The following ADGRL2 variants were observed in gnomAD, a reference collection of about 807,000 sequenced individuals.
The protein encoded by ADGRL2 is calcium-independent alpha-latrotoxin receptor 2.
Under a neutral mutation model 157.4 loss-of-function variants are expected in ADGRL2, and 44 were observed. That is an observed-to-expected ratio of 0.28 (90% CI 0.22 to 0.36). ADGRL2 has a LOEUF of 0.36. Among genes scored for constraint, ADGRL2 ranks in the 10% least tolerant of loss-of-function variants. The pLI, the probability that ADGRL2 is intolerant of heterozygous loss-of-function variation, is 1.00. For missense variants in ADGRL2, 1,510 were observed against 1,768.9 expected, an observed-to-expected ratio of 0.85 and a Z score of 2.63; for synonymous variants, 585 against 624.7, an observed-to-expected ratio of 0.94 and a Z score of 0.95.
At chr1:81,648,512 C>T (rs78127936) in intron 3 of ADGRL2, among the ~76,000 whole-genome samples, 2,210 of 152,310 alleles carry the variant, frequency 0.015, 19 homozygotes, top group Middle Eastern at 0.034. Flanking sequence ...ACATATCTTT[C>T]TTCTCCCAGA....
intron 2 of ADGRL2, among the ~76,000 whole-genome samples, chr1:81,783,656 G>A (rs1262447972): frequency 6.6e-6 from 1 of 152,048 alleles, no homozygotes; most frequent in Non-Finnish European, 1.5e-5. Context: ...GCATATGTAC[G>A]ATGATAGGAC....
rs1037897015 is a variant in ADGRL2, at chr1:81,823,991, T to C, written c.-100-12894T>C. Among the ~76,000 whole-genome samples the C allele has an allele frequency of 4.6e-5, 7 of 152,214 alleles. No individual in the cohort carries two copies. The South Asian group carries it at 6.2e-4, about 14-fold the overall frequency. On this transcript the variant is annotated intron_variant, in intron 1 of 23. Coordinates refer to ENST00000686636, the MANE Select transcript of ADGRL2 (RefSeq NM_001366006.2). ...AAAGTTTGTTAATATATTTGATGTG[T>C]TTTTTTAATTACCAGGATATTATAC...
intron 3 of ADGRL2, among the ~76,000 whole-genome samples, chr1:81,625,070 A>G (rs2081882460): frequency 6.6e-6 from 1 of 152,130 alleles, no homozygotes; most frequent in Non-Finnish European, 1.5e-5. Flanking sequence ...TAATCCCAAC[A>G]CCTTCACTCT....
At chr1:81,510,589 G>A (rs2079057697) in intron 2 of ADGRL2, among the ~76,000 whole-genome samples, 1 of 151,968 alleles carries the variant, frequency 6.6e-6, no homozygotes, top group East Asian at 1.9e-4. Flanking sequence ...ATATGCATTG[G>A]CGATAATATT....
At chr1:81,326,243 A>T (rs972767041) in intron 1 of ADGRL2, among the ~76,000 whole-genome samples, 13 of 152,206 alleles carry the variant, frequency 8.5e-5, no homozygotes, top group Admixed American at 7.9e-4. Flanking sequence ...TTTCTTTTCC[A>T]TAGACTTTAG....
chr1:81,968,739 A>G (rs528941192), intron 14 of ADGRL2, among the ~76,000 whole-genome samples: 6 of 152,290 alleles, frequency 3.9e-5, no homozygotes, highest in Admixed American at 2.6e-4. Flanking sequence ...GTATGTGTCA[A>G]CTCTCAATAT....
intron 3 of ADGRL2, among the ~76,000 whole-genome samples, chr1:81,583,885 G>T (rs1225673814): frequency 6.6e-6 from 1 of 152,054 alleles, no homozygotes; most frequent in African/African-American, 2.4e-5. Flanking sequence ...AACTTGACTT[G>T]CTTTTCATTT....
chr1:81,544,992 G>T (rs907480481), intron 2 of ADGRL2, among the ~76,000 whole-genome samples: 3 of 151,994 alleles, frequency 2.0e-5, no homozygotes, highest in Non-Finnish European at 2.9e-5. Flanking sequence ...AAGAGCCTGG[G>T]TATACGACAA....
chr1:81,432,591 ATTAAC>A (rs1351916592), intron 1 of ADGRL2, among the ~76,000 whole-genome samples: 1 of 152,180 alleles, frequency 6.6e-6, no homozygotes, highest in Non-Finnish European at 1.5e-5. Context: ...TCTTAACAAA[ATTAAC>A]TTGTTTTTGT....
chr1:81,486,690 T>A (rs1043036862), intron 2 of ADGRL2, among the ~76,000 whole-genome samples: 10 of 152,178 alleles, frequency 6.6e-5, no homozygotes, highest in African/African-American at 2.4e-4. Context: ...AGAAAAATCT[T>A]CCACCATGAC....
rs1412692598 is a variant in ADGRL2 at position 81,503,005 on chromosome 1, G to A, written c.-248+57916G>A. 22 of 1,612,826 alleles carry A rather than the reference G, an allele frequency of 1.4e-5. No individual in the cohort carries two copies. The East Asian group carries it at 3.1e-4, about 23-fold the overall frequency. ...TGTGCCAAATCGTCTGGCTGTGCCC[G>A]TGACCTTGGCAAGCCAGCAGGCTGG... On this transcript the variant is annotated intron_variant, in intron 2 of 24. Transcript: ENST00000370721.
intron 2 of ADGRL2, among the ~76,000 whole-genome samples, chr1:81,875,090 G>C (rs1056444744): frequency 6.6e-6 from 1 of 151,714 alleles, no homozygotes; most frequent in African/African-American, 2.4e-5. Context: ...ACTTCTATAG[G>C]CTGCACACTC....
chr1:81,806,921 A>T (rs1375544260), intron 1 of ADGRL2, among the ~76,000 whole-genome samples: 2 of 152,002 alleles, frequency 1.3e-5, no homozygotes, highest in East Asian at 3.8e-4. Flanking sequence ...TTACTGTTTC[A>T]CCATATCTGA....
chr1:81,773,219 A>G (rs2149353616), intron 2 of ADGRL2, among the ~76,000 whole-genome samples: 1 of 152,310 alleles, frequency 6.6e-6, no homozygotes, highest in Non-Finnish European at 1.5e-5. Flanking sequence ...TAAACTTCCT[A>G]GGGATCCATG....
rs1308871550 is a variant in ADGRL2, at chr1:81,950,221, G to C, written c.1243G>C (p.Ala415Pro). Reference sequence around the variant, plus strand: ...CACAGCTGTGACAATAACTTCTTCAGCTGAGCTGTTCAAAACCATAATATC... The same window carrying C: ...CACAGCTGTGACAATAACTTCTTCACCTGAGCTGTTCAAAACCATAATATC... ...PTTAVTITSS[A>P]ELFKTIISTT... Residue 415 changes from alanine to proline, a missense_variant, in exon 7 of 24, where the codon GCT becomes CCT. Around this residue, in one of 4 missense-constraint regions of ADGRL2, gnomAD observed 325 missense variants for 333.2 expected, o/e 0.98. Transcript: ENST00000686636. The C allele has an allele frequency of 1.9e-6, 3 of 1,613,974 alleles. No homozygotes were observed. The highest frequency in any genetic ancestry group is 2.5e-6 in the Non-Finnish European group (3 of 1,179,924).
chr1:81,674,175 T>A (rs1476006544), intron 3 of ADGRL2, among the ~76,000 whole-genome samples: 1 of 152,226 alleles, frequency 6.6e-6, no homozygotes, highest in Non-Finnish European at 1.5e-5. Flanking sequence ...ATGTAAAGTT[T>A]ACCTTTTTTG....
At chr1:81,979,044 G>C (rs1446297226) in intron 17 of ADGRL2, among the ~76,000 whole-genome samples, 2 of 151,692 alleles carry the variant, frequency 1.3e-5, no homozygotes, top group Admixed American at 1.3e-4. Context: ...ATTCTGCCAG[G>C]TGTCTGTAGA....
rs145425053 is a variant in ADGRL2 at position 81,966,154 on chromosome 1, C to T, written c.2114C>T (p.Ala705Val). The T allele has an allele frequency of 1.3e-4, 212 of 1,614,054 alleles. 3 individuals carry two copies. In the South Asian group the frequency reaches 2.1e-3, roughly 16 times the overall value. The change falls in exon 12 of 24, where the codon GCA becomes GTA. Residue 705 changes from alanine (A) to valine (V), a missense_variant. Around this residue, in one of 4 missense-constraint regions of ADGRL2, gnomAD observed 497 missense variants for 627.2 expected, o/e 0.79. Transcript: ENST00000686636. ...KGAGSSIQLS[A>V]NTVKQNSRNG... Reference sequence around the variant, plus strand: ...GCAGGCAGCTCAATCCAACTGTCCGCAAATACCGTCAAACAGAACAGCAGG... The same window carrying T: ...GCAGGCAGCTCAATCCAACTGTCCGTAAATACCGTCAAACAGAACAGCAGG...
intron 1 of ADGRL2, among the ~76,000 whole-genome samples, chr1:81,381,070 T>A (rs2076336193): frequency 6.6e-6 from 1 of 152,118 alleles, no homozygotes; most frequent in African/African-American, 2.4e-5. Context: ...ACTATATTTG[T>A]AATTTTTCTT....
Sources: gnomAD v4.1 joint callset for allele counts (sites outside exome capture counted in the v4.1 genomes callset) on GRCh38, gnomAD v4.1.1 for gene constraint, gnomAD v4.1.1 regional missense constraint, MANE v1.5 for transcripts, NCBI Gene and HGNC (gene_info 2026-07-23, HGNC 2026-07-21) for gene names.